RTP5: variants seen among roughly 807,000 people sequenced by gnomAD.
RTP5 encodes the protein receptor transporter protein 5 (putative).
RTP5 carries 30 observed loss-of-function variants against 23.5 expected under a neutral mutation model. The observed-to-expected ratio is 1.27, with a 90% CI of 0.95 to 1.73. RTP5 has a LOEUF of 1.73. RTP5 is among the 40% of genes most tolerant of loss of function. The pLI is 0.00. For synonymous variants in RTP5, 354 were observed against 342.1 expected, an observed-to-expected ratio of 1.03 and a Z score of -0.38; for missense variants, 807 against 784.2, an observed-to-expected ratio of 1.03 and a Z score of -0.35.
Position 241,873,204 on chromosome 2 carries a change from T to C in RTP5, c.1649T>C (p.Met550Thr). ...GAGGACTTCTGGATCTGGGTGTCCA[T>C]GACCGTGTGCGTCTTCTGGCTGATG... ...PYEDFWIWVS[M>T]TVCVFWLMCM... is the part of the protein sequence containing the mutation. Residue 550 changes from methionine to threonine, a missense_variant, in exon 2 of 2, where the codon ATG (methionine) becomes ACG (threonine). Coordinates refer to ENST00000343216, the MANE Select transcript of RTP5 (RefSeq NM_173821.3). The C allele has an allele frequency of 6.2e-7, 1 of 1,608,592 alleles. No homozygotes were observed. Among genetic ancestry groups the C allele is most frequent in the Non-Finnish European group, 8.5e-7 (1 of 1,179,548 alleles).
At position 241,873,228 on chromosome 2, in the gene RTP5, T is replaced by C. The variant is rs930150273; in HGVS notation, c.1673T>C (p.Met558Thr). Residue 558 changes from methionine (M) to threonine (T), a missense_variant, in exon 2 of 2, where the codon ATG (methionine) becomes ACG (threonine). Physicochemically the swap from Met to Thr is moderately conservative, Grantham distance 81 (BLOSUM62 -1). Coordinates refer to ENST00000343216, the MANE Select transcript of RTP5 (RefSeq NM_173821.3). ...ATGACCGTGTGCGTCTTCTGGCTGA[T>C]GTGCATGTGTCGGCTGAACCCCGGG... Reference protein sequence around the residue: ...VSMTVCVFWLMCMCRLNPGIY... With the variant: ...VSMTVCVFWLTCMCRLNPGIY... 1.2e-5 allele frequency: 20 copies of C among 1,602,142 alleles called. 1 individual carries two copies. The highest frequency in any genetic ancestry group is 2.2e-5 in the East Asian group (1 of 44,764).
At position 241,873,214 on chromosome 2, in the gene RTP5, C is replaced by T. The variant is rs766426952; in HGVS notation, c.1659C>T (p.Cys553=). ...GGATCTGGGTGTCCATGACCGTGTG[C>T]GTCTTCTGGCTGATGTGCATGTGTC... ...DFWIWVSMTV[C]VFWLMCMCRL... Residue 553 remains cysteine, a synonymous_variant, in exon 2 of 2, where the codon TGC becomes TGT. Transcript: ENST00000343216. 7.5e-6 allele frequency: 12 copies of T among 1,605,794 alleles called. No homozygotes were observed. The African/African-American group carries it at 9.3e-5, about 13-fold the overall frequency.
chr2:241,873,166 C>T lies in RTP5; in HGVS notation c.1611C>T (p.His537=), dbSNP rs200260309. The change falls in exon 2 of 2, where the codon CAC becomes CAT. Residue 537 remains histidine (H), a synonymous_variant. Transcript: ENST00000343216. ...ERPGRACRRP[H]AEPYEDFWIW... ...CTGGCCGTGCCTGCCGTAGGCCGCA[C>T]GCCGAGCCCTACGAGGACTTCTGGA... is the stretch of plus-strand genomic sequence containing the variant. 4.3e-6 allele frequency: 7 copies of T among 1,611,952 alleles called. No homozygotes were observed. The highest frequency in any genetic ancestry group is 1.1e-5 in the South Asian group (1 of 91,080).
At position 241,869,735 on chromosome 2, in the gene RTP5, C is replaced by A; in HGVS notation, c.-22C>A. Reference sequence around the variant, plus strand: ...CCCGGCGGGCGCAGCCCTCAGCCCACACTGCGGAGCCAGGCGGCAGCATGG... The same window carrying A: ...CCCGGCGGGCGCAGCCCTCAGCCCAAACTGCGGAGCCAGGCGGCAGCATGG... On this transcript the variant is annotated 5_prime_UTR_variant, in exon 1 of 2. Transcript: ENST00000343216. 1 of 1,489,070 alleles carries A rather than the reference C, an allele frequency of 6.7e-7. No homozygotes were observed. Among genetic ancestry groups the A allele is most frequent in the South Asian group, 1.3e-5 (1 of 78,904 alleles). 92.2% of individuals were successfully genotyped at this position (1,489,070 alleles called of 1,614,324 possible).
At chr2:241,871,052 C>A (rs559855531) in intron 1 of RTP5, 5 of 470,844 alleles carry the variant, frequency 1.1e-5, no homozygotes, top group African/African-American at 8.0e-5. Flanking sequence ...TGATGACCGC[C>A]ATGGACAAGC....
intron 1 of RTP5, among the ~76,000 whole-genome samples, chr2:241,870,815 C>T (rs1272766434): frequency 6.6e-6 from 1 of 152,258 alleles, no homozygotes; most frequent in Non-Finnish European, 1.5e-5. Flanking sequence ...GTGGCTTTGG[C>T]TCCTCAGTCC....
rs762479526 is a variant in RTP5 at position 241,872,912 on chromosome 2, C to T, written c.1357C>T (p.His453Tyr). ...EKEGGLVTAGHDAPLEANAEG... is the reference protein window; with the variant it reads ...EKEGGLVTAGYDAPLEANAEG... Reference sequence around the variant, plus strand: ...GGAAGGTGGCCTGGTCACCGCGGGTCACGACGCCCCTCTGGAGGCCAATGC... The same window carrying T: ...GGAAGGTGGCCTGGTCACCGCGGGTTACGACGCCCCTCTGGAGGCCAATGC... The change falls in exon 2 of 2, where the codon CAC becomes TAC. Residue 453 changes from histidine (H) to tyrosine (Y), a missense_variant. His to Tyr is a moderately conservative substitution (Grantham distance 83). Transcript: ENST00000343216. The T allele has an allele frequency of 3.7e-6, 6 of 1,613,044 alleles. No homozygotes were observed. In the South Asian group the frequency reaches 5.5e-5, roughly 15 times the overall value.
chr2:241,872,896 C>T lies in RTP5; in HGVS notation c.1341C>T (p.Gly447=). Residue 447 remains glycine (G), a synonymous_variant, in exon 2 of 2, where the codon GGC becomes GGT. Transcript: ENST00000343216. ...CTGAAGGCAAAGAGAAGGAAGGTGG[C>T]CTGGTCACCGCGGGTCACGACGCCC... The part of the protein sequence containing the change: ...DITEGKEKEG[G]LVTAGHDAPL... 6.2e-7 allele frequency: 1 copy of T among 1,612,944 alleles called. No individual in the cohort carries two copies. Among genetic ancestry groups the T allele is most frequent in the Non-Finnish European group, 8.5e-7 (1 of 1,180,004 alleles).
In RTP5 at chr2:241,869,764, G is replaced by T; in HGVS notation, c.8G>T (p.Arg3Leu). Reference protein sequence around the residue: MDRAGADMWASTF... With the variant: MDLAGADMWASTF... ...GCGGAGCCAGGCGGCAGCATGGACC[G>T]GGCTGGGGCAGACATGTGGGCCAGC... Residue 3 changes from arginine to leucine, a missense_variant, in exon 1 of 2, where the codon CGG becomes CTG. Arg to Leu is a moderately radical substitution (Grantham distance 102, BLOSUM62 -2). Transcript: ENST00000343216. 6.5e-7 allele frequency: 1 copy of T among 1,528,620 alleles called. No individual in the cohort carries two copies. The highest frequency in any genetic ancestry group is 2.0e-5 in the Admixed American group (1 of 49,546). The allele number at this position is 1,528,620 out of a possible 1,614,324, so 94.7% of individuals were successfully genotyped here. A position where few individuals can be genotyped will look rare whatever the true frequency, so the allele number is the denominator to read the frequency against.
chr2:241,871,596 G>C, intron 1 of RTP5, 118 bp from the exon 2 acceptor site: 1 of 1,331,542 alleles, frequency 7.5e-7, no homozygotes, highest in Non-Finnish European at 9.9e-7. Flanking sequence ...TGGGATGTGA[G>C]GCAGGGGGCA....
At position 241,872,131 on chromosome 2, in the gene RTP5, C is replaced by T. The variant is rs28499542; in HGVS notation, c.576C>T (p.Gly192=). Residue 192 remains glycine (G), a synonymous_variant, in exon 2 of 2, where the codon GGC becomes GGT. Transcript: ENST00000343216. The part of the protein sequence containing the change: ...VSRGKPLSTP[G]DDLGKGGVVI... ...GGGGCAAACCGCTGTCCACCCCTGG[C>T]GACGACCTTGGCAAGGGTGGCGTTG... The T allele has an allele frequency of 0.13, 210,598 of 1,608,772 alleles. 22,587 individuals are homozygous for T. Among genetic ancestry groups the T allele is most frequent in the East Asian group, 0.64 (28,721 of 44,738 alleles).
At position 241,872,143 on chromosome 2, in the gene RTP5, C is replaced by T. The variant is rs1208099103; in HGVS notation, c.588C>T (p.Gly196=). 1 of 1,610,720 alleles carries T rather than the reference C, an allele frequency of 6.2e-7. No individual in the cohort carries two copies. The highest frequency in any genetic ancestry group is 1.7e-5 in the Admixed American group (1 of 59,944). ...TGTCCACCCCTGGCGACGACCTTGG[C>T]AAGGGTGGCGTTGTCATCGCCATCC... The part of the protein sequence containing the change: ...KPLSTPGDDL[G]KGGVVIAIPF... The change falls in exon 2 of 2, where the codon GGC becomes GGT. Residue 196 remains glycine, a synonymous_variant. Coordinates refer to ENST00000343216, the MANE Select transcript of RTP5 (RefSeq NM_173821.3).
rs7597435 is a variant in RTP5, at chr2:241,872,626, C to T, written c.1071C>T (p.Thr357=). Residue 357 remains threonine, a synonymous_variant, in exon 2 of 2, where the codon ACC becomes ACT. Transcript: ENST00000343216. The part of the protein sequence containing the change: ...SIFTNTLSEP[T]DGPVATKEAS... ...TCACCAACACCCTCTCGGAGCCCAC[C>T]GATGGCCCTGTGGCCACTAAAGAGG... 11,264 of 1,554,562 alleles carry T rather than the reference C, an allele frequency of 7.2e-3. 708 individuals carry two copies. The African/African-American group carries it at 0.13, about 19-fold the overall frequency.
intron 1 of RTP5, 136 bp from the exon 2 acceptor site, chr2:241,871,578 T>G: frequency 1.6e-6 from 2 of 1,220,796 alleles, no homozygotes; most frequent in Non-Finnish European, 2.2e-6. Flanking sequence ...AGGTTTGAGG[T>G]TTGAGTGTGG....
chr2:241,873,022 C>T lies in RTP5; in HGVS notation c.1467C>T (p.His489=), dbSNP rs372984763. 7.4e-6 allele frequency: 12 copies of T among 1,613,016 alleles called. No individual in the cohort carries two copies. The African/African-American group carries it at 1.3e-4, about 18-fold the overall frequency. Residue 489 remains histidine (H), a synonymous_variant, in exon 2 of 2, where the codon CAC becomes CAT. Transcript: ENST00000343216. ...TCATAAAGCGCAAGGGCGGTGGCCA[C>T]GTTGCCTACGGCCCCCAGGGCAATG... is the stretch of plus-strand genomic sequence containing the variant. ...FDVIKRKGGG[H]VAYGPQGNGC...
intron 1 of RTP5, among the ~76,000 whole-genome samples, chr2:241,870,262 T>C (rs984274689): frequency 4.6e-5 from 7 of 152,350 alleles, no homozygotes; most frequent in Admixed American, 1.3e-4. Context: ...AGGTGGGCCC[T>C]GGGGCGTGCC....
chr2:241,871,807 G>A lies in RTP5; in HGVS notation c.252G>A (p.Leu84=), dbSNP rs904919536. The change falls in exon 2 of 2, where the codon CTG becomes CTA. Residue 84 remains leucine (L), a synonymous_variant. Transcript: ENST00000343216. ...LWWDRASHRG[L]VKMRIWGQRC... ...GGGACAGGGCCAGCCACCGGGGGCT[G>A]GTGAAGATGCGCATCTGGGGCCAGC... 1.9e-6 allele frequency: 3 copies of A among 1,574,058 alleles called. No individual in the cohort carries two copies. Among genetic ancestry groups the A allele is most frequent in the Non-Finnish European group, 2.6e-6 (3 of 1,160,942 alleles).
In RTP5 at chr2:241,871,804, G is replaced by A. The variant is rs758416353; in HGVS notation, c.249G>A (p.Gly83=). ...GGTGGGACAGGGCCAGCCACCGGGG[G>A]CTGGTGAAGATGCGCATCTGGGGCC... ...HLWWDRASHR[G]LVKMRIWGQR... Residue 83 remains glycine (G), a synonymous_variant, in exon 2 of 2, where the codon GGG becomes GGA. Coordinates refer to ENST00000343216, the MANE Select transcript of RTP5 (RefSeq NM_173821.3). The A allele has an allele frequency of 1.3e-6, 2 of 1,575,878 alleles. No homozygotes were observed. Among genetic ancestry groups the A allele is most frequent in the Non-Finnish European group, 1.7e-6 (2 of 1,161,976 alleles).
chr2:241,873,054 T>G lies in RTP5; in HGVS notation c.1499T>G (p.Phe500Cys). The G allele has an allele frequency of 6.2e-7, 1 of 1,612,954 alleles. No homozygotes were observed. The highest frequency in any genetic ancestry group is 8.5e-7 in the Non-Finnish European group (1 of 1,179,866). The part of the protein sequence containing the change: ...VAYGPQGNGC[F>C]SQGYYQKRQL... ...TACGGCCCCCAGGGCAATGGCTGCTTCTCCCAAGGCTATTACCAGAAGAGG... is the reference window on the plus strand; with the variant it reads ...TACGGCCCCCAGGGCAATGGCTGCTGCTCCCAAGGCTATTACCAGAAGAGG... The change falls in exon 2 of 2, where the codon TTC becomes TGC. Residue 500 changes from phenylalanine (F) to cysteine (C), a missense_variant. Coordinates refer to ENST00000343216, the MANE Select transcript of RTP5 (RefSeq NM_173821.3).
Sources: gnomAD v4.1 joint callset for allele counts (sites outside exome capture counted in the v4.1 genomes callset) on GRCh38, gnomAD v4.1.1 for gene constraint, MANE v1.5 for transcripts, NCBI Gene and HGNC (gene_info 2026-07-23, HGNC 2026-07-21) for gene names.